TTC39B: variants seen among roughly 807,000 people sequenced by gnomAD.
The protein encoded by TTC39B is tetratricopeptide repeat protein 39B.
A neutral mutation model predicts 96.6 loss-of-function variants in TTC39B; 92 were observed. That is an observed-to-expected ratio of 0.95 (90% CI 0.80 to 1.13). The LOEUF is 1.13. TTC39B is among the 50% of genes most tolerant of loss of function. The pLI is 0.00. For synonymous variants in TTC39B, 367 were observed against 299.4 expected (o/e 1.23, Z -2.33); for missense variants, 955 against 809.3 (o/e 1.18, Z -2.18).
intron 1 of TTC39B, among the ~76,000 whole-genome samples, chr9:15,270,494 TA>T (rs533991875): frequency 5.4e-4 from 82 of 151,306 alleles, no homozygotes; most frequent in African/African-American, 1.9e-3. Context: ...GCATGGACAC[TA>T]AAATACTTAC....
chr9:15,201,092 T>G (rs900545755), intron 7 of TTC39B, among the ~76,000 whole-genome samples: 2 of 152,170 alleles, frequency 1.3e-5, no homozygotes, highest in Non-Finnish European at 2.9e-5. Flanking sequence ...AAAACTGAAT[T>G]TCATTTACTA....
chr9:15,288,451 T>C (rs1337864557), intron 1 of TTC39B, among the ~76,000 whole-genome samples: 2 of 152,082 alleles, frequency 1.3e-5, no homozygotes, highest in Non-Finnish European at 2.9e-5. Flanking sequence ...CTGAATGTCG[T>C]CGAGAGGAGT....
At chr9:15,299,344 A>G (rs1024162061) in intron 1 of TTC39B, among the ~76,000 whole-genome samples, 3 of 152,226 alleles carry the variant, frequency 2.0e-5, no homozygotes, top group African/African-American at 7.2e-5. Context: ...AGCATTTACT[A>G]CACACCTAGT....
exon 20 of TTC39B, chr9:15,171,164 C>G (rs1463109832): frequency 4.6e-5 from 7 of 152,140 alleles, no homozygotes; most frequent in African/African-American, 9.7e-5. Context: ...GATTAGAAAA[C>G]TAGGTCTTAC....
intron 2 of TTC39B, among the ~76,000 whole-genome samples, chr9:15,228,571 G>C (rs1249720350): frequency 1.3e-5 from 2 of 152,152 alleles, no homozygotes; most frequent in Non-Finnish European, 2.9e-5. Flanking sequence ...CAAAACTTAA[G>C]CTTAGCCAAT....
At chr9:15,257,300 G>C (rs1363230285) in intron 2 of TTC39B, among the ~76,000 whole-genome samples, 3 of 152,138 alleles carry the variant, frequency 2.0e-5, no homozygotes, top group Non-Finnish European at 4.4e-5. Flanking sequence ...AAATTATCAT[G>C]TCTAGGATTT....
At chr9:15,180,045 C>T (rs1233289597) in intron 17 of TTC39B, among the ~76,000 whole-genome samples, 1 of 152,166 alleles carries the variant, frequency 6.6e-6, no homozygotes, top group Non-Finnish European at 1.5e-5. Context: ...ACACAACACA[C>T]ATGTAATATG....
intron 8 of TTC39B, among the ~76,000 whole-genome samples, chr9:15,199,510 C>A (rs996679464): frequency 6.6e-6 from 1 of 151,526 alleles, no homozygotes. Flanking sequence ...CTGAGGCGGG[C>A]GGATCACGAG....
chr9:15,299,030 CCCT>C (rs1824484026), intron 1 of TTC39B, among the ~76,000 whole-genome samples: 1 of 152,124 alleles, frequency 6.6e-6, no homozygotes, highest in African/African-American at 2.4e-5. Context: ...AGGAGAGGTG[CCCT>C]CCTCTGTGCT....
At chr9:15,185,337 C>T (rs768005837) in exon 16 of TTC39B, 5 of 1,613,900 alleles carry the variant, frequency 3.1e-6, no homozygotes, top group Non-Finnish European at 4.2e-6. Flanking sequence ...AACGCCGAGC[C>T]TTCCTCACAG....
chr9:15,191,255 T>C (rs1158770967), exon 10 of TTC39B: 6 of 1,605,406 alleles, frequency 3.7e-6, no homozygotes, highest in Non-Finnish European at 5.1e-6. Context: ...AGGGACAGCA[T>C]CTGTAAGAAA....
intron 1 of TTC39B, among the ~76,000 whole-genome samples, chr9:15,288,688 A>G (rs138383959): frequency 5.3e-5 from 8 of 152,376 alleles, no homozygotes; most frequent in African/African-American, 1.7e-4. Flanking sequence ...GCTGGTTAAC[A>G]CTTAAGCCAT....
At chr9:15,175,854 A>G (rs1817908850) in intron 18 of TTC39B, among the ~76,000 whole-genome samples, 1 of 152,224 alleles carries the variant, frequency 6.6e-6, no homozygotes, top group African/African-American at 2.4e-5. Context: ...CAGGGAGCTG[A>G]AACTGAGACC....
chr9:15,167,003 TATATATATATATATATATATA>T (rs1463984021), exon 20 of TTC39B: 156 of 8,464 alleles, frequency 0.018, 19 homozygotes, highest in South Asian at 0.11. Flanking sequence ...TATATATATA[TATATATATATATATATATATA>T]TATATTTTTT....
intron 2 of TTC39B, among the ~76,000 whole-genome samples, chr9:15,226,313 T>C (rs530127122): frequency 1.3e-5 from 2 of 152,328 alleles, no homozygotes; most frequent in African/African-American, 4.8e-5. Context: ...CCAGGTTTTT[T>C]CCCAAGTAAA....
chr9:15,188,016 T>C lies in TTC39B; in HGVS notation c.1350A>G (p.Ala450=), dbSNP rs1431108660. 7.4e-6 allele frequency: 12 copies of C among 1,612,630 alleles called. No individual in the cohort carries two copies. In the Admixed American group the frequency reaches 8.4e-5, roughly 11 times the overall value. Residue 450 remains alanine, a synonymous_variant, in exon 14 of 20, where the codon GCA becomes GCG. Transcript: ENST00000512701. ...TGCAAAGCAGATCTGAATAGTAATA[T>C]GCCTGCATCCAGTTTTGTTGGAAAA...
At chr9:15,192,595 T>A in exon 9 of TTC39B, 1 of 1,613,178 alleles carries the variant, frequency 6.2e-7, no homozygotes, top group South Asian at 1.1e-5. Flanking sequence ...CTTACCAAAT[T>A]AAAGGCCCCA....
intron 1 of TTC39B, among the ~76,000 whole-genome samples, chr9:15,300,951 C>A (rs1323209357): frequency 5.0e-5 from 7 of 141,010 alleles, no homozygotes; most frequent in Non-Finnish European, 7.7e-5. Flanking sequence ...GGAGATACAA[C>A]CCAAATTCCT....
chr9:15,248,105 C>T (rs1793696058), intron 2 of TTC39B, among the ~76,000 whole-genome samples: 1 of 152,192 alleles, frequency 6.6e-6, no homozygotes, highest in South Asian at 2.1e-4. Context: ...ACCATAGATA[C>T]TGGGCCTGGC....
Sources: gnomAD v4.1 joint callset for allele counts (sites outside exome capture counted in the v4.1 genomes callset) on GRCh38, gnomAD v4.1.1 for gene constraint, MANE v1.5 for transcripts, NCBI Gene and HGNC (gene_info 2026-07-23, HGNC 2026-07-21) for gene names.